The following KCNMA1 variants were observed in gnomAD, a reference collection of about 807,000 sequenced individuals.
KCNMA1 encodes Calcium-activated potassium channel subunit alpha-1.
In KCNMA1, 29 loss-of-function variants were observed where a neutral mutation model predicts 140.0. The observed-to-expected ratio is 0.21, with a 90% confidence interval of 0.15 to 0.28. KCNMA1 has a LOEUF of 0.28. KCNMA1 is among the 10% of genes least tolerant of loss of function. KCNMA1 has a pLI of 1.00. For synonymous variants in KCNMA1, 612 were observed against 611.9 expected (o/e 1.00, Z 0.00); for missense variants, 880 against 1,602.2 (o/e 0.55, Z 7.70).
At chr10:77,252,524 T>TG (rs1368369897) in intron 2 of KCNMA1, among the ~76,000 whole-genome samples, 8 of 100,296 alleles carry the variant, frequency 8.0e-5, no homozygotes, top group Non-Finnish European at 1.1e-4. Flanking sequence ...ATGATCAAGC[T>TG]TTGTGTGTGT....
At chr10:76,907,622 T>C (rs903853236) in intron 25 of KCNMA1, among the ~76,000 whole-genome samples, 2 of 152,090 alleles carry the variant, frequency 1.3e-5, no homozygotes, top group African/African-American at 4.8e-5. Context: ...CACAGCAACC[T>C]CCACCTCCCA....
chr10:77,446,866 T>C (rs1320873996), intron 1 of KCNMA1, among the ~76,000 whole-genome samples: 1 of 152,240 alleles, frequency 6.6e-6, no homozygotes, highest in African/African-American at 2.4e-5. Context: ...AAGTCCTCTC[T>C]TTCTACCTCC....
At chr10:77,507,142 T>C (rs2046434798) in intron 1 of KCNMA1, among the ~76,000 whole-genome samples, 1 of 152,240 alleles carries the variant, frequency 6.6e-6, no homozygotes, top group South Asian at 2.1e-4. Flanking sequence ...ATTTTTAAAT[T>C]TAAAAACAAA....
At chr10:77,379,277 A>G (rs2095297029) in intron 2 of KCNMA1, among the ~76,000 whole-genome samples, 1 of 152,186 alleles carries the variant, frequency 6.6e-6, no homozygotes, top group African/African-American at 2.4e-5. Context: ...ATAAAGTAAA[A>G]AAGCAATGTA....
intron 2 of KCNMA1, 25 bp from the exon 3 acceptor site, chr10:77,251,281 T>A: frequency 2.5e-6 from 4 of 1,597,634 alleles, no homozygotes; most frequent in Non-Finnish European, 3.4e-6. Context: ...GAGAATGCCA[T>A]CACTTAAGAG....
At chr10:77,310,476 C>T (rs1457992627) in intron 2 of KCNMA1, among the ~76,000 whole-genome samples, 1 of 152,174 alleles carries the variant, frequency 6.6e-6, no homozygotes, top group African/African-American at 2.4e-5. Context: ...CTTTTTCTCC[C>T]CTTCACACTA....
downstream of KCNMA1, among the ~76,000 whole-genome samples, chr10:76,883,250 C>A (rs558893916): frequency 6.6e-6 from 1 of 152,024 alleles, no homozygotes; most frequent in African/African-American, 2.4e-5. Context: ...TTAAAAAAAT[C>A]AAACCAAGAG....
chr10:77,040,535 T>C (rs148167048), intron 14 of KCNMA1, among the ~76,000 whole-genome samples: 1 of 152,198 alleles, frequency 6.6e-6, no homozygotes, highest in South Asian at 2.1e-4. Context: ...GTACATAATC[T>C]GATCCTATTT....
intron 1 of KCNMA1, chr10:77,636,461 T>C (rs1167888632): frequency 6.5e-7 from 1 of 1,536,038 alleles, no homozygotes; most frequent in Non-Finnish European, 8.7e-7. Flanking sequence ...TCAGGCGGAC[T>C]CCCGCTCCAG....
chr10:77,016,153 A>G (rs890957151), intron 17 of KCNMA1, among the ~76,000 whole-genome samples: 3 of 151,992 alleles, frequency 2.0e-5, no homozygotes, highest in Admixed American at 6.6e-5. Flanking sequence ...CCTATCCACA[A>G]TGAACTTCTT....
chr10:77,264,328 G>A (rs1389386648), intron 2 of KCNMA1, among the ~76,000 whole-genome samples: 1 of 152,140 alleles, frequency 6.6e-6, no homozygotes, highest in Non-Finnish European at 1.5e-5. Flanking sequence ...CTACATGTGT[G>A]GGGCATTTGT....
chr10:77,613,882 G>T (rs961428464), intron 1 of KCNMA1, among the ~76,000 whole-genome samples: 2 of 152,198 alleles, frequency 1.3e-5, no homozygotes, highest in East Asian at 3.9e-4. Context: ...AAGGCTGTCT[G>T]CTGGTGGGAA....
At chr10:76,993,695 C>T (rs769113137) in intron 19 of KCNMA1, among the ~76,000 whole-genome samples, 1 of 152,204 alleles carries the variant, frequency 6.6e-6, no homozygotes, top group Non-Finnish European at 1.5e-5. Context: ...GCAGCCCTCC[C>T]AAAACAAAGC....
intron 1 of KCNMA1, among the ~76,000 whole-genome samples, chr10:77,486,108 AT>A (rs2098457502): frequency 6.6e-6 from 1 of 152,188 alleles, no homozygotes; most frequent in Non-Finnish European, 1.5e-5. Flanking sequence ...GCCAAGTCAA[AT>A]GTCAATACCA....
intron 5 of KCNMA1, among the ~76,000 whole-genome samples, chr10:77,130,637 C>T (rs1233765811): frequency 1.3e-5 from 2 of 151,932 alleles, no homozygotes; most frequent in Non-Finnish European, 1.5e-5. Context: ...TTATGTCTGC[C>T]CCCTCTCAAA....
intron 14 of KCNMA1, among the ~76,000 whole-genome samples, chr10:77,070,296 G>A (rs2096143120): frequency 6.6e-6 from 1 of 152,104 alleles, no homozygotes; most frequent in South Asian, 2.1e-4. Flanking sequence ...AGACAACACA[G>A]GGAGACTGGT....
At chr10:76,937,196 T>C (rs2060791143) in intron 23 of KCNMA1, among the ~76,000 whole-genome samples, 1 of 152,222 alleles carries the variant, frequency 6.6e-6, no homozygotes, top group Non-Finnish European at 1.5e-5. Context: ...GCTAAAATCC[T>C]GTTCTCCTTA....
In KCNMA1 at chr10:77,387,607, C is replaced by CTTTCTTTTCTTTTCT. The variant is rs796705269; in HGVS notation, c.540+16240_540+16254dup. Among the ~76,000 whole-genome samples, 855 of 114,176 alleles carry CTTTCTTTTCTTTTCT rather than the reference C, an allele frequency of 7.5e-3. 15 individuals are homozygous for CTTTCTTTTCTTTTCT. The highest frequency in any genetic ancestry group is 0.029 in the African/African-American group (814 of 28,254). The allele number at this position is 114,176 out of a possible 152,430, so 74.9% of individuals were successfully genotyped here. On this transcript the variant is annotated intron_variant, in intron 2 of 27. Coordinates refer to ENST00000286628, the MANE Select transcript of KCNMA1 (RefSeq NM_001161352.2). ...TTTCTCTTTTCTTTTCTTTTCTTTT[C>CTTTCTTTTCTTTTCT]TTTCTTTTCTTTTCTTTTCTTTTCT...
intron 22 of KCNMA1, among the ~76,000 whole-genome samples, chr10:76,947,735 C>T (rs1453652180): frequency 1.3e-5 from 2 of 152,164 alleles, no homozygotes; most frequent in East Asian, 3.9e-4. Context: ...ACTGTCCGAT[C>T]TTTTTCTCAC....
Sources: gnomAD v4.1 joint callset for allele counts (sites outside exome capture counted in the v4.1 genomes callset) on GRCh38, gnomAD v4.1.1 for gene constraint, MANE v1.5 for transcripts, NCBI Gene and HGNC (gene_info 2026-07-23, HGNC 2026-07-21) for gene names.